The following NEMP2 variants were observed in gnomAD, a reference collection of about 807,000 sequenced individuals.
NEMP2 encodes nuclear envelope integral membrane protein 2.
NEMP2 carries 53 observed loss-of-function variants against 54.2 expected under a neutral mutation model. The ratio of observed to expected loss-of-function variants is 0.98; its 90% CI spans 0.78 to 1.23. NEMP2 has a LOEUF of 1.23. Ranked by LOEUF, NEMP2 falls within the 50% of genes most tolerant of loss-of-function variation. NEMP2 has a pLI of 0.00. For missense variants in NEMP2, 455 were observed against 511.3 expected (o/e 0.89, Z 1.06); for synonymous variants, 197 against 190.3 (o/e 1.04, Z -0.29).
the NEMP2 span, among the ~76,000 whole-genome samples, chr2:190,458,910 C>T: frequency 6.6e-6 from 1 of 152,180 alleles, no homozygotes; most frequent in Admixed American, 6.5e-5. This position sits in a 1 kb window ranked among gnomAD's most constrained non-coding sequence, Gnocchi z 5.3. Flanking sequence ...CCAGGCAGCT[C>T]TAGGATCAAG....
intron 7 of NEMP2, among the ~76,000 whole-genome samples, chr2:190,511,408 G>T (rs1325633633): frequency 6.6e-6 from 1 of 151,894 alleles, no homozygotes; most frequent in Non-Finnish European, 1.5e-5. Context: ...ATCATGATTA[G>T]AACTTTCTTT....
the NEMP2 span, among the ~76,000 whole-genome samples, chr2:190,544,727 C>G: frequency 6.6e-6 from 1 of 151,940 alleles, no homozygotes; most frequent in South Asian, 2.1e-4. Flanking sequence ...TGAACAAATA[C>G]AGTGCATCTA....
chr2:190,491,788 A>G, the NEMP2 span, among the ~76,000 whole-genome samples: 1 of 152,228 alleles, frequency 6.6e-6, no homozygotes, highest in African/African-American at 2.4e-5. This position sits in a 1 kb window ranked among gnomAD's most constrained non-coding sequence, Gnocchi z 4.2. Context: ...TAGCACCAGC[A>G]ATAGATCCAA....
the NEMP2 span, among the ~76,000 whole-genome samples, chr2:190,636,513 T>G: frequency 6.6e-6 from 1 of 152,342 alleles, no homozygotes; most frequent in African/African-American, 2.4e-5. Flanking sequence ...AAAATGAATT[T>G]AACTGCATCC....
chr2:190,640,787 A>ATTTTTTTTTTTTTTTTT, the NEMP2 span, among the ~76,000 whole-genome samples: 2 of 118,028 alleles, frequency 1.7e-5, no homozygotes, highest in African/African-American at 6.9e-5. Context: ...AACACATTCA[A>ATTTTTTTTTTTTTTTTT]TTTTTTTTTT....
chr2:190,431,703 G>A, the NEMP2 span, among the ~76,000 whole-genome samples: 28,109 of 152,100 alleles, frequency 0.18, 2,732 homozygotes, highest in East Asian at 0.29. This position sits in a 1 kb window ranked among gnomAD's most constrained non-coding sequence, Gnocchi z 4.4. Context: ...GAAAGAGAGG[G>A]AGAGGGAGAC....
the NEMP2 span, among the ~76,000 whole-genome samples, chr2:190,641,905 C>T: frequency 1.3e-5 from 2 of 152,186 alleles, no homozygotes; most frequent in South Asian, 2.1e-4. Flanking sequence ...AAAAATTTCC[C>T]GAAATTCTCT....
chr2:190,572,833 G>GCT, the NEMP2 span, among the ~76,000 whole-genome samples: 19 of 47,860 alleles, frequency 4.0e-4, no homozygotes, highest in Non-Finnish European at 5.2e-4. Context: ...CTTTTCATGA[G>GCT]TATATATATA....
chr2:190,428,908 A>G, the NEMP2 span, among the ~76,000 whole-genome samples: 11 of 152,046 alleles, frequency 7.2e-5, no homozygotes, highest in Non-Finnish European at 1.3e-4. Context: ...CCTGGCTTCA[A>G]GTGATCCACC....
At chr2:190,616,022 C>T in the NEMP2 span, among the ~76,000 whole-genome samples, 1 of 152,210 alleles carries the variant, frequency 6.6e-6, no homozygotes, top group East Asian at 1.9e-4. This position sits in a 1 kb window ranked among gnomAD's most constrained non-coding sequence, Gnocchi z 5.1. Context: ...CTGCTCTCTT[C>T]CTCACCTACA....
chr2:190,441,077 A>G, the NEMP2 span, among the ~76,000 whole-genome samples: 4 of 152,190 alleles, frequency 2.6e-5, no homozygotes, highest in Admixed American at 6.5e-5. Flanking sequence ...TGAAGGGTTT[A>G]AGGAAGATCA....
At chr2:190,630,097 A>C in the NEMP2 span, among the ~76,000 whole-genome samples, 1 of 152,246 alleles carries the variant, frequency 6.6e-6, no homozygotes, top group Non-Finnish European at 1.5e-5. The surrounding 1 kb of genome is among the most constrained non-coding windows in gnomAD (Gnocchi z 5.5). Flanking sequence ...GCCAAAGAAC[A>C]GTAACATTTG....
chr2:190,436,408 C>T, the NEMP2 span: 2 of 1,614,050 alleles, frequency 1.2e-6, no homozygotes, highest in Non-Finnish European at 1.7e-6. This position sits in a 1 kb window ranked among gnomAD's most constrained non-coding sequence, Gnocchi z 5.3. Flanking sequence ...AGTTGCAGAC[C>T]GCTTTAAAAA....
intron 4 of NEMP2, 63 bp downstream of exon 4, chr2:190,518,673 G>T: frequency 7.7e-7 from 1 of 1,295,364 alleles, no homozygotes; most frequent in Non-Finnish European, 1.1e-6. Context: ...CTTAGCATGT[G>T]GTCAAAAATG....
At chr2:190,445,304 G>A in the NEMP2 span, among the ~76,000 whole-genome samples, 1 of 152,118 alleles carries the variant, frequency 6.6e-6, no homozygotes, top group African/African-American at 2.4e-5. Context: ...TCAGTGGTGG[G>A]GGGATTTGGT....
intron 1 of NEMP2, 80 bp downstream of exon 1, chr2:190,534,479 A>G (rs942366716): frequency 1.6e-6 from 2 of 1,289,716 alleles, no homozygotes; most frequent in Non-Finnish European, 2.0e-6. Context: ...CGCCCGGGCC[A>G]AAGAGCGCGC....
At chr2:190,571,407 G>A in the NEMP2 span, among the ~76,000 whole-genome samples, 11 of 152,148 alleles carry the variant, frequency 7.2e-5, no homozygotes, top group Admixed American at 5.9e-4. Flanking sequence ...GCCAGGCGTG[G>A]TGGTGGGCGC....
At chr2:190,442,357 G>T in the NEMP2 span, among the ~76,000 whole-genome samples, 1 of 152,100 alleles carries the variant, frequency 6.6e-6, no homozygotes, top group African/African-American at 2.4e-5. Flanking sequence ...GAAAAAACAG[G>T]AGAGACTGAG....
At chr2:190,470,545 T>C in the NEMP2 span, among the ~76,000 whole-genome samples, 1 of 152,308 alleles carries the variant, frequency 6.6e-6, no homozygotes, top group South Asian at 2.1e-4. Flanking sequence ...GGCATCATGA[T>C]TAAAATAAAG....
Sources: allele counts gnomAD v4.1 joint callset (sites outside exome capture counted in the v4.1 genomes callset), GRCh38; gene constraint gnomAD v4.1.1; non-coding constraint Gnocchi (gnomAD v3.1); transcripts MANE v1.5; gene names NCBI Gene and HGNC (gene_info 2026-07-23, HGNC 2026-07-21).